The following RAB11FIP3 variants were observed in gnomAD, a reference collection of about 807,000 sequenced individuals.
The protein encoded by RAB11FIP3 is rab11 family-interacting protein 3.
Under a neutral mutation model 77.8 loss-of-function variants are expected in RAB11FIP3, and 17 were observed. That is an observed-to-expected ratio of 0.22 (90% CI 0.15 to 0.33). The LOEUF (loss-of-function observed/expected upper bound fraction) is 0.33. RAB11FIP3 is among the 10% of genes least tolerant of loss of function. The probability of loss-of-function intolerance (pLI) is 1.00; values close to 1 mark genes in which losing one functional copy is unlikely to be tolerated. For synonymous variants in RAB11FIP3, 437 were observed against 448.2 expected, an observed-to-expected ratio of 0.98 and a Z score of 0.31; for missense variants, 1,005 against 1,011.2, an observed-to-expected ratio of 0.99 and a Z score of 0.08.
At chr16:480,674 AT>A (rs564325313) in intron 3 of RAB11FIP3, among the ~76,000 whole-genome samples, 50 of 150,538 alleles carry the variant, frequency 3.3e-4, no homozygotes, top group African/African-American at 1.2e-3. Flanking sequence ...TAATTTTTGT[AT>A]TTTTAGTAGG....
chr16:478,193 T>C (rs1037029484), intron 3 of RAB11FIP3, among the ~76,000 whole-genome samples: 38 of 146,942 alleles, frequency 2.6e-4, no homozygotes, highest in African/African-American at 9.9e-4. Flanking sequence ...CACTGTCTAC[T>C]TCTTTTTTTT....
intron 3 of RAB11FIP3, among the ~76,000 whole-genome samples, chr16:473,137 G>T (rs757484566): frequency 3.9e-5 from 6 of 152,182 alleles, no homozygotes; most frequent in Non-Finnish European, 5.9e-5. Flanking sequence ...GCAGCCCTGG[G>T]CAGGGAAACC....
intron 1 of RAB11FIP3, among the ~76,000 whole-genome samples, chr16:446,039 A>C (rs1162228235): frequency 6.6e-6 from 1 of 152,038 alleles, no homozygotes; most frequent in African/African-American, 2.4e-5. Context: ...GTTGGGTCCT[A>C]CTTGCTCTTG....
At chr16:504,131 A>C (rs1310380237) in intron 7 of RAB11FIP3, among the ~76,000 whole-genome samples, 2 of 24,268 alleles carry the variant, frequency 8.2e-5, no homozygotes, top group African/African-American at 3.9e-4. Context: ...GTACCCCCCC[A>C]CCTCCTCCTG....
At position 461,528 on chromosome 16, in the gene RAB11FIP3, CCT is replaced by C; in HGVS notation, c.808+35_808+36del. On this transcript the variant is annotated intron_variant, in intron 2 of 13. Coordinates refer to ENST00000262305, the MANE Select transcript of RAB11FIP3 (RefSeq NM_014700.4). This position sits in a 1 kb window ranked among gnomAD's most constrained non-coding sequence, Gnocchi z 4.5. ...TCATCCCCGCCATGAGCTCCCACCTCCTCTCCCGTTCCTCAGCCACCCTCTCA... is the reference window on the plus strand; with the variant it reads ...TCATCCCCGCCATGAGCTCCCACCTCCTCCCGTTCCTCAGCCACCCTCTCA... 1 of 1,580,076 alleles carries C rather than the reference CCT, an allele frequency of 6.3e-7. No individual in the cohort carries two copies. The highest frequency in any genetic ancestry group is 8.7e-7 in the Non-Finnish European group (1 of 1,150,346).
intron 1 of RAB11FIP3, among the ~76,000 whole-genome samples, chr16:447,757 A>G (rs2055340715): frequency 6.6e-6 from 1 of 152,172 alleles, no homozygotes; most frequent in African/African-American, 2.4e-5. Flanking sequence ...AAAGAAGACT[A>G]AAACGTATAA....
At chr16:502,968 C>G (rs2031612770) in intron 6 of RAB11FIP3, 36 bp from the exon 7 acceptor site, 2 of 1,521,334 alleles carry the variant, frequency 1.3e-6, no homozygotes, top group Non-Finnish European at 1.8e-6. Flanking sequence ...TGTGGTTTTT[C>G]CCTTTCTTCC....
At chr16:519,220 A>C (rs2032558683) in intron 10 of RAB11FIP3, 196 bp downstream of exon 10, 1 of 591,736 alleles carries the variant, frequency 1.7e-6, no homozygotes, top group African/African-American at 1.9e-5. Flanking sequence ...CCAGAGGCTC[A>C]CTCCTAGATG....
chr16:455,635 C>T (rs189326637), intron 1 of RAB11FIP3, among the ~76,000 whole-genome samples: 327 of 152,196 alleles, frequency 2.1e-3, no homozygotes, highest in Non-Finnish European at 3.6e-3. Context: ...CTCACTCTGT[C>T]GCCCACGTGG....
At chr16:436,493 T>G (rs897866052) in intron 1 of RAB11FIP3, among the ~76,000 whole-genome samples, 1 of 152,024 alleles carries the variant, frequency 6.6e-6, no homozygotes, top group African/African-American at 2.4e-5. Flanking sequence ...TTTGTTTATT[T>G]ATTTTTGAGA....
rs1347199938 is a variant in RAB11FIP3, at chr16:429,518, T to TG, written c.714+2800dup. Among the ~76,000 whole-genome samples, 6 of 151,342 alleles carry TG rather than the reference T, an allele frequency of 4.0e-5. No homozygotes were observed. In the East Asian group the frequency reaches 1.2e-3, roughly 29 times the overall value. ...TCTTAATTTTTTTTTTTTTTTGAGA[T>TG]GGAGTCTCGCCTGCTCTGTCGCCCA... On this transcript the variant is annotated intron_variant, in intron 1 of 13. Coordinates refer to ENST00000262305, the MANE Select transcript of RAB11FIP3 (RefSeq NM_014700.4).
At chr16:479,647 G>T (rs760136721) in intron 3 of RAB11FIP3, among the ~76,000 whole-genome samples, 1 of 152,114 alleles carries the variant, frequency 6.6e-6, no homozygotes, top group Non-Finnish European at 1.5e-5. Flanking sequence ...ACTCTGCCAG[G>T]CTCAGTAGCT....
chr16:441,491 C>A (rs544897675), intron 1 of RAB11FIP3, among the ~76,000 whole-genome samples: 12 of 152,328 alleles, frequency 7.9e-5, no homozygotes, highest in South Asian at 2.1e-4. Flanking sequence ...AAAGCCCCAC[C>A]TGTAGACCAG....
intron 1 of RAB11FIP3, among the ~76,000 whole-genome samples, chr16:430,928 C>T (rs113563579): frequency 1.3e-5 from 2 of 152,330 alleles, no homozygotes; most frequent in Non-Finnish European, 1.5e-5. Flanking sequence ...CTCAAGCGAC[C>T]GTCCTCGGGC....
intron 1 of RAB11FIP3, among the ~76,000 whole-genome samples, chr16:447,006 C>G (rs1365291639): frequency 1.3e-5 from 2 of 150,266 alleles, no homozygotes; most frequent in Non-Finnish European, 3.0e-5. Flanking sequence ...GCTTTAAAAA[C>G]ATTTTTTTAA....
rs192652390 is a variant in RAB11FIP3 at position 430,600 on chromosome 16, T to C, written c.714+3880T>C. On this transcript the variant is annotated intron_variant, in intron 1 of 13. Transcript: ENST00000262305. Reference sequence around the variant, plus strand: ...GACAGGATCTCACTCTGTCACCCAGTCTGAAGTGCAGTGGCAAGATCTCAG... The same window carrying C: ...GACAGGATCTCACTCTGTCACCCAGCCTGAAGTGCAGTGGCAAGATCTCAG... Among the ~76,000 whole-genome samples the C allele has an allele frequency of 1.3e-3, 199 of 152,238 alleles. 1 individual carries two copies. The highest frequency in any genetic ancestry group is 1.5e-3 in the Non-Finnish European group (102 of 68,026).
intron 2 of RAB11FIP3, among the ~76,000 whole-genome samples, chr16:468,106 G>A (rs1362849127): frequency 8.5e-5 from 4 of 47,202 alleles, no homozygotes; most frequent in African/African-American, 1.7e-4. Flanking sequence ...CAGGGAGGAG[G>A]TGCTGGGGCC....
intron 1 of RAB11FIP3, among the ~76,000 whole-genome samples, chr16:438,583 T>C (rs565332892): frequency 6.7e-6 from 1 of 148,748 alleles, no homozygotes; most frequent in African/African-American, 2.5e-5. Flanking sequence ...TTTTTGTATG[T>C]TCATATTGGC....
chr16:427,389 C>T (rs2054965997), intron 1 of RAB11FIP3, among the ~76,000 whole-genome samples: 1 of 152,212 alleles, frequency 6.6e-6, no homozygotes, highest in Non-Finnish European at 1.5e-5. Context: ...CCGTTAGGGC[C>T]ACGTCCACTC....
Sources: allele counts gnomAD v4.1 joint callset (sites outside exome capture counted in the v4.1 genomes callset), GRCh38; gene constraint gnomAD v4.1.1; non-coding constraint Gnocchi (gnomAD v3.1); transcripts MANE v1.5; gene names NCBI Gene and HGNC (gene_info 2026-07-23, HGNC 2026-07-21).